The following KHDRBS3 variants were observed in gnomAD, a reference collection of about 807,000 sequenced individuals.
The protein encoded by KHDRBS3 is KH RNA binding domain containing, signal transduction associated 3.
A neutral mutation model predicts 45.6 loss-of-function variants in KHDRBS3; 23 were observed. The observed-to-expected ratio is 0.50, with a 90% CI of 0.36 to 0.72. The LOEUF is 0.72. KHDRBS3 is among the 30% of genes least tolerant of loss of function. The pLI is 0.00. For synonymous variants in KHDRBS3, 162 were observed against 156.5 expected (o/e 1.04, Z -0.26); for missense variants, 352 against 424.8 (o/e 0.83, Z 1.51).
intron 1 of KHDRBS3, among the ~76,000 whole-genome samples, chr8:135,510,536 G>A (rs996638273): frequency 6.6e-6 from 1 of 152,176 alleles, no homozygotes; most frequent in Non-Finnish European, 1.5e-5. Flanking sequence ...CTGCGTTCAA[G>A]TGATTCTCCT....
intron 3 of KHDRBS3, among the ~76,000 whole-genome samples, chr8:135,544,070 A>C (rs1009856758): frequency 3.3e-5 from 5 of 152,178 alleles, no homozygotes; most frequent in Non-Finnish European, 7.3e-5. Context: ...ATATTTGGCC[A>C]GTTGGTCAGA....
chr8:135,647,960 A>G (rs1018416111), downstream of KHDRBS3: 5 of 152,202 alleles, frequency 3.3e-5, no homozygotes, highest in African/African-American at 1.2e-4. Context: ...CACTAGTGCA[A>G]CTTTGGATTT....
intron 1 of KHDRBS3, among the ~76,000 whole-genome samples, chr8:135,484,407 G>T (rs1464039066): frequency 6.6e-6 from 1 of 152,178 alleles, no homozygotes; most frequent in Non-Finnish European, 1.5e-5. Context: ...TGACACCTGG[G>T]CTAGGCCCCT....
rs1831493685 is a variant in KHDRBS3 at position 135,654,548 on chromosome 8, T to C, written c.*118-1678T>C. ...GGCGTCTGGCATGTGGCAGGCTGGT[T>C]ACCCTGTGTGATTTAGCGAAGAGAT... On this transcript the variant is annotated intron_variant and NMD_transcript_variant, in intron 4 of 4. Transcript: ENST00000521461. Among the ~76,000 whole-genome samples, 5 of 152,326 alleles carry C rather than the reference T, an allele frequency of 3.3e-5. 1 individual carries two copies. The highest frequency in any genetic ancestry group is 1.2e-4 in the African/African-American group (5 of 41,574).
At chr8:135,570,829 C>T (rs555667533) in intron 5 of KHDRBS3, among the ~76,000 whole-genome samples, 21 of 152,140 alleles carry the variant, frequency 1.4e-4, no homozygotes, top group African/African-American at 5.1e-4. Flanking sequence ...TAAGGTCCAC[C>T]GAATTCCTTC....
chr8:135,502,159 C>T (rs754994845), intron 1 of KHDRBS3, among the ~76,000 whole-genome samples: 8 of 152,090 alleles, frequency 5.3e-5, no homozygotes, highest in South Asian at 2.1e-4. Context: ...TGTCTCTTTC[C>T]GAGCTATGAA....
At chr8:135,482,153 T>C (rs1402533388) in intron 1 of KHDRBS3, among the ~76,000 whole-genome samples, 1 of 152,164 alleles carries the variant, frequency 6.6e-6, no homozygotes, top group Non-Finnish European at 1.5e-5. Context: ...TTCTTTCTGG[T>C]TTTCTTCTGG....
Position 135,458,867 on chromosome 8 carries a change from C to T in KHDRBS3, c.88+913C>T. 3 of 456,218 alleles carry T rather than the reference C, an allele frequency of 6.6e-6. 1 individual carries two copies. Among genetic ancestry groups the T allele is most frequent in the South Asian group, 4.6e-5 (3 of 64,566 alleles). 28.3% of individuals were successfully genotyped at this position (456,218 alleles called of 1,614,324 possible). ...CCTACCCGGGACAGTGTTCCCCTGG[C>T]TTTTTCCTCCTGTGGCTTCCTGAAT... On this transcript the variant is annotated intron_variant, in intron 1 of 8. Coordinates refer to ENST00000355849, the MANE Select transcript of KHDRBS3 (RefSeq NM_006558.3).
intron 6 of KHDRBS3, among the ~76,000 whole-genome samples, chr8:135,587,998 G>A (rs1828560887): frequency 6.6e-6 from 1 of 152,144 alleles, no homozygotes; most frequent in Non-Finnish European, 1.5e-5. Flanking sequence ...TGCACTGTAT[G>A]TATAGGTTGT....
intron 5 of KHDRBS3, among the ~76,000 whole-genome samples, chr8:135,574,461 G>A (rs762508838): frequency 3.0e-4 from 46 of 152,290 alleles, no homozygotes; most frequent in Non-Finnish European, 5.0e-4. Context: ...CACGAGTGGT[G>A]CATAACCAAC....
chr8:135,469,111 A>G (rs1821846334), intron 1 of KHDRBS3, among the ~76,000 whole-genome samples: 1 of 152,264 alleles, frequency 6.6e-6, no homozygotes, highest in African/African-American at 2.4e-5. Context: ...TCCAGCACCA[A>G]TCAATTGGGT....
intron 1 of KHDRBS3, among the ~76,000 whole-genome samples, chr8:135,479,768 G>A (rs760566555): frequency 1.3e-5 from 2 of 152,096 alleles, no homozygotes; most frequent in East Asian, 1.9e-4. Context: ...TGAATATTGC[G>A]GGGACACAAA....
intron 1 of KHDRBS3, among the ~76,000 whole-genome samples, chr8:135,501,586 A>G (rs1322524418): frequency 1.3e-5 from 2 of 152,220 alleles, no homozygotes; most frequent in Non-Finnish European, 2.9e-5. Context: ...AAAGAAACAT[A>G]AAGTCATACT....
At chr8:135,615,572 A>G (rs1586808812) in intron 7 of KHDRBS3, among the ~76,000 whole-genome samples, 1 of 152,308 alleles carries the variant, frequency 6.6e-6, no homozygotes, top group East Asian at 1.9e-4. Context: ...TTGACGTCTC[A>G]CAATGTGATT....
At chr8:135,577,716 T>C (rs1003187326) in intron 5 of KHDRBS3, among the ~76,000 whole-genome samples, 1 of 152,170 alleles carries the variant, frequency 6.6e-6, no homozygotes, top group Non-Finnish European at 1.5e-5. Flanking sequence ...ATGTGAAAGT[T>C]TTTATGTAGG....
chr8:135,612,771 A>G (rs767815227), intron 7 of KHDRBS3, among the ~76,000 whole-genome samples: 18 of 151,828 alleles, frequency 1.2e-4, no homozygotes, highest in African/African-American at 4.4e-4. Flanking sequence ...AAAGCTGCTC[A>G]GTCCCCCATG....
rs951447810 is a variant in KHDRBS3, at chr8:135,472,333, G to A, written c.88+14379G>A. Among the ~76,000 whole-genome samples, 4 of 152,036 alleles carry A rather than the reference G, an allele frequency of 2.6e-5. No homozygotes were observed. The South Asian group carries it at 8.3e-4, about 32-fold the overall frequency. On this transcript the variant is annotated intron_variant, in intron 1 of 8. Coordinates refer to ENST00000355849, the MANE Select transcript of KHDRBS3 (RefSeq NM_006558.3). ...TCCAGGTTTTCACTTTGTAAAATAGGCACGACACTACCTCCCAGACACCAG... is the reference window on the plus strand; with the variant it reads ...TCCAGGTTTTCACTTTGTAAAATAGACACGACACTACCTCCCAGACACCAG...
intron 1 of KHDRBS3, among the ~76,000 whole-genome samples, chr8:135,460,060 A>G (rs527587470): frequency 6.6e-6 from 1 of 152,382 alleles, no homozygotes; most frequent in Admixed American, 6.5e-5. Context: ...CATTTAAAAC[A>G]TTAATTACAC....
chr8:135,643,007 A>G (rs1387882877), intron 7 of KHDRBS3, among the ~76,000 whole-genome samples: 1 of 151,842 alleles, frequency 6.6e-6, no homozygotes, highest in Non-Finnish European at 1.5e-5. Context: ...GTTGGCCAGG[A>G]TGGTCTCGAT....
Sources: allele counts gnomAD v4.1 joint callset (sites outside exome capture counted in the v4.1 genomes callset), GRCh38; gene constraint gnomAD v4.1.1; transcripts MANE v1.5; gene names NCBI Gene and HGNC (gene_info 2026-07-23, HGNC 2026-07-21).